Variants in OBSL1 observed in about 807,000 individuals in gnomAD.
The protein encoded by OBSL1 is obscurin like cytoskeletal adaptor 1.
Under a neutral mutation model 172.0 loss-of-function variants are expected in OBSL1, and 160 were observed. The observed-to-expected ratio is 0.93, with a 90% CI of 0.82 to 1.06. The LOEUF (loss-of-function observed/expected upper bound fraction) is 1.06, where lower values mean the gene tolerates loss of function less well. OBSL1 is among the 50% of genes least tolerant of loss of function. OBSL1 has a pLI of 0.00. For missense variants in OBSL1, 2,681 were observed against 2,715.4 expected (o/e 0.99, Z 0.28); for synonymous variants, 1,200 against 1,196.3 (o/e 1.00, Z -0.06).
downstream of OBSL1, chr2:219,549,382 A>C (rs115011742): frequency 5.4e-4 from 864 of 1,595,118 alleles, 5 homozygotes; most frequent in African/African-American, 0.01. Flanking sequence ...ATCCAGCCAG[A>C]ATGAGAAGGA....
chr2:219,549,595 G>A, downstream of OBSL1: 1 of 1,462,500 alleles, frequency 6.8e-7, no homozygotes, highest in Non-Finnish European at 9.3e-7. Flanking sequence ...GGGGTCTCAG[G>A]GCTGTGGACT....
chr2:219,570,179 G>A (rs1430272783), intron 1 of OBSL1, 42 bp downstream of exon 1: 2 of 1,464,676 alleles, frequency 1.4e-6, no homozygotes, highest in African/African-American at 1.4e-5. Context: ...GGGCCTCGGA[G>A]GACACTCGAG....
intron 8 of OBSL1, among the ~76,000 whole-genome samples, chr2:219,560,821 T>G (rs930252782): frequency 2.6e-5 from 4 of 152,182 alleles, no homozygotes; most frequent in African/African-American, 9.7e-5. Flanking sequence ...TGCAGCTGCC[T>G]GAGGAGTGGG....
At chr2:219,556,313 C>G in intron 13 of OBSL1, 21 bp from the exon 14 acceptor site, 1 of 1,571,054 alleles carries the variant, frequency 6.4e-7, no homozygotes, top group Non-Finnish European at 8.7e-7. Context: ...AGAAGGAGGC[C>G]ATGGAGTCTG....
At chr2:219,549,045 A>C (rs1375886026), downstream of OBSL1, 5 of 1,277,872 alleles carry the variant, frequency 3.9e-6, no homozygotes, top group Non-Finnish European at 5.6e-6. Flanking sequence ...GGTTATGGAC[A>C]AGAGGAATCT....
chr2:219,549,836 C>A (rs776238004), downstream of OBSL1: 7 of 1,613,886 alleles, frequency 4.3e-6, no homozygotes, highest in Non-Finnish European at 2.5e-6. Context: ...CCTGCTCAGG[C>A]CCCCCAGTGC....
chr2:219,557,463 G>A lies in OBSL1; in HGVS notation c.3946C>T (p.Gln1316Ter). 1 of 1,548,504 alleles carries A rather than the reference G, an allele frequency of 6.5e-7. No homozygotes were observed. ...TGCCTGGCCCCGGCCTGCTCCAGCT[G>A]CACCCGCCCCTGGCTTGCCAGTCGC... Reference protein sequence around the residue: ...GERLASQGRVQLEQAGARQVL... With the variant: ...GERLASQGRV The change falls in exon 12 of 21, where the codon CAG becomes TAG. Residue 1316 changes from glutamine (Q) to a stop codon, truncating the protein, a stop_gained. Transcript: ENST00000404537. LOFTEE classifies it high-confidence loss of function.
At position 219,570,597 on chromosome 2, in the gene OBSL1, G is replaced by C. The variant is rs1378007205; in HGVS notation, c.636C>G (p.Arg212=). 4.0e-6 allele frequency: 6 copies of C among 1,515,724 alleles called. No individual in the cohort carries two copies. In the South Asian group the frequency reaches 7.5e-5, roughly 19 times the overall value. 93.9% of individuals were successfully genotyped at this position (1,515,724 alleles called of 1,614,324 possible). ...PDSGVYVCHA[R]NAHGHAQAGA... ...CCGCCTGCGCGTGGCCGTGCGCGTTGCGGGCGTGGCACACGTAGACGCCGG... is the reference window on the plus strand; with the variant it reads ...CCGCCTGCGCGTGGCCGTGCGCGTTCCGGGCGTGGCACACGTAGACGCCGG... Residue 212 remains arginine (R), a synonymous_variant, in exon 1 of 21, where the codon CGC becomes CGG. Coordinates refer to ENST00000404537, the MANE Select transcript of OBSL1 (RefSeq NM_015311.3).
downstream of OBSL1, chr2:219,549,629 A>G: frequency 6.4e-7 from 1 of 1,572,810 alleles, no homozygotes; most frequent in Non-Finnish European, 8.7e-7. Flanking sequence ...AGTCTATAGA[A>G]GTGTCAGGCT....
chr2:219,548,478 C>G (rs1359813753), downstream of OBSL1, among the ~76,000 whole-genome samples: 2 of 152,224 alleles, frequency 1.3e-5, no homozygotes, highest in East Asian at 3.9e-4. Context: ...TTAGGGTGGT[C>G]AGGGAAGGCT....
chr2:219,562,336 T>C (rs1026905235), intron 8 of OBSL1, 66 bp downstream of exon 8: 7 of 1,569,448 alleles, frequency 4.5e-6, no homozygotes, highest in Non-Finnish European at 6.1e-6. Flanking sequence ...GCTGGGGCTA[T>C]GTGGCCAGCT....
intron 15 of OBSL1, chr2:219,554,133 C>T (rs1270655830): frequency 3.3e-5 from 14 of 420,910 alleles, no homozygotes; most frequent in Admixed American, 1.5e-4. Flanking sequence ...GAGGGAGCCA[C>T]GGCAGACAGT....
intron 4 of OBSL1, 36 bp downstream of exon 4, chr2:219,567,237 G>A (rs755395736): frequency 1.9e-6 from 3 of 1,568,900 alleles, no homozygotes; most frequent in Non-Finnish European, 2.6e-6. Flanking sequence ...GGGAAGGGAG[G>A]AGAAGTGATG....
At chr2:219,547,285 T>C (rs1695408425), downstream of OBSL1, 2 of 437,410 alleles carry the variant, frequency 4.6e-6, no homozygotes, top group Non-Finnish European at 8.1e-6. Flanking sequence ...ATGGTTATGT[T>C]TGCCTTCCCA....
chr2:219,563,119 GT>G, intron 7 of OBSL1: 2 of 530,250 alleles, frequency 3.8e-6, no homozygotes, highest in Non-Finnish European at 6.6e-6. Flanking sequence ...CTTGGTACAG[GT>G]TTTCAGGAGA....
At chr2:219,560,641 G>A (rs1696394343) in intron 8 of OBSL1, among the ~76,000 whole-genome samples, 1 of 152,172 alleles carries the variant, frequency 6.6e-6, no homozygotes, top group African/African-American at 2.4e-5. Flanking sequence ...TGGTTTATAG[G>A]GGCATGCATG....
intron 12 of OBSL1, 173 bp downstream of exon 12, chr2:219,557,170 C>G: frequency 1.6e-6 from 1 of 618,290 alleles, no homozygotes; most frequent in South Asian, 3.1e-5. Context: ...CTGCTCTCAA[C>G]ATGAGGGTTT....
chr2:219,554,327 G>A (rs758941263), intron 15 of OBSL1, 147 bp downstream of exon 15: 13 of 992,492 alleles, frequency 1.3e-5, no homozygotes, highest in Non-Finnish European at 1.8e-5. Flanking sequence ...GAGTCAGGGG[G>A]ATCACACTCT....
rs1327490966 is a variant in OBSL1 at position 219,571,199 on chromosome 2, G to A, written c.34C>T (p.Pro12Ser). The change falls in exon 1 of 21, where the codon CCG becomes TCG. Residue 12 changes from proline (P) to serine (S), a missense_variant. This residue lies in a region of OBSL1 where 90 missense variants were observed against 76.6 expected (regional missense o/e 1.18). Transcript: ENST00000404537. ...KASSGDQGSPPCFLRFPRPVR... is the reference protein window; with the variant it reads ...KASSGDQGSPSCFLRFPRPVR... ...GGCCGCGGGAAGCGCAGGAAGCACG[G>A]GGGGCTCCCCTGATCCCCCGAGCTC... The A allele has an allele frequency of 1.4e-6, 2 of 1,467,642 alleles. No individual in the cohort carries two copies. The highest frequency in any genetic ancestry group is 1.8e-6 in the Non-Finnish European group (2 of 1,111,584). 90.9% of individuals were successfully genotyped at this position (1,467,642 alleles called of 1,614,324 possible). A position where few individuals can be genotyped will look rare whatever the true frequency, so the allele number is the denominator to read the frequency against.
Sources: gnomAD v4.1 joint callset for allele counts (sites outside exome capture counted in the v4.1 genomes callset) on GRCh38, gnomAD v4.1.1 for gene constraint, gnomAD v4.1.1 regional missense constraint, MANE v1.5 for transcripts, NCBI Gene and HGNC (gene_info 2026-07-23, HGNC 2026-07-21) for gene names.